The following ACTA2 variants were observed in gnomAD, a reference collection of about 807,000 sequenced individuals.
ACTA2 encodes actin alpha 2, smooth muscle.
In ACTA2, 12 loss-of-function variants were observed where a neutral mutation model predicts 39.5. That is an observed-to-expected ratio of 0.30 (90% CI 0.19 to 0.49). The LOEUF (loss-of-function observed/expected upper bound fraction) is 0.49. Ranked by LOEUF, ACTA2 falls within the 20% of genes least tolerant of loss-of-function variation. ACTA2 has a pLI of 0.99. For missense variants in ACTA2, 236 were observed against 498.8 expected, an observed-to-expected ratio of 0.47 and a Z score of 5.02; for synonymous variants, 158 against 180.6, an observed-to-expected ratio of 0.88 and a Z score of 1.00.
intron 7 of ACTA2, chr10:88,938,464 T>C (rs1453713450): frequency 3.5e-6 from 2 of 567,990 alleles, no homozygotes; most frequent in Non-Finnish European, 6.3e-6. Flanking sequence ...TCCTGAGGTG[T>C]GGGCTACAAC....
At chr10:88,943,369 C>T (rs1335009403) in intron 4 of ACTA2, among the ~76,000 whole-genome samples, 1 of 152,078 alleles carries the variant, frequency 6.6e-6, no homozygotes, top group Non-Finnish European at 1.5e-5. Flanking sequence ...AATATTACTC[C>T]CAACTTATAG....
Position 88,961,391 on chromosome 10 carries a change from T to C in ACTA2, c.-23-12438A>G, listed in dbSNP as rs1428679979. ...AATGTGAAGAGACTTTTAAGTATCC[T>C]TTAATTCTTTCACTTTCCATCCTCT... On this transcript the variant is annotated intron_variant, in intron 1 of 4. Transcript: ENST00000415557. Among the ~76,000 whole-genome samples the C allele has an allele frequency of 2.0e-5, 3 of 152,226 alleles. No individual in the cohort carries two copies. The East Asian group carries it at 5.8e-4, about 29-fold the overall frequency.
At chr10:88,958,909 A>G (rs1043082065) in intron 1 of ACTA2, among the ~76,000 whole-genome samples, 13 of 152,170 alleles carry the variant, frequency 8.5e-5, no homozygotes, top group Non-Finnish European at 1.5e-4. Flanking sequence ...CAGGAAATCT[A>G]GGATGAGTTG....
chr10:88,978,786 G>T (rs893885592), intron 1 of ACTA2, among the ~76,000 whole-genome samples: 2 of 152,142 alleles, frequency 1.3e-5, no homozygotes, highest in Non-Finnish European at 2.9e-5. Context: ...ATGCTAAATT[G>T]TTCCACGTCT....
At chr10:88,948,009 T>A (rs1254918176) in intron 2 of ACTA2, among the ~76,000 whole-genome samples, 1 of 152,160 alleles carries the variant, frequency 6.6e-6, no homozygotes, top group Non-Finnish European at 1.5e-5. Context: ...TAAAAAATTA[T>A]TGTTACTAGA....
In ACTA2 at chr10:88,948,531, T is replaced by TTGA. The variant is rs931075184; in HGVS notation, c.129+268_129+270dup. 176 of 420,210 alleles carry TTGA rather than the reference T, an allele frequency of 4.2e-4. 1 individual carries two copies. Among genetic ancestry groups the TTGA allele is most frequent in the African/African-American group, 2.5e-3 (122 of 49,320 alleles). The allele number at this position is 420,210 out of a possible 1,614,324, so 26.0% of individuals were successfully genotyped here. ...GCATTTCTGATGGTGATGAAATGAT[T>TTGA]TGATGATGATGATGATGATGATAAT... On this transcript the variant is annotated intron_variant, in intron 2 of 8. Coordinates refer to ENST00000224784, the MANE Select transcript of ACTA2 (RefSeq NM_001613.4).
chr10:88,972,861 C>T (rs1846480721), intron 1 of ACTA2, among the ~76,000 whole-genome samples: 1 of 152,044 alleles, frequency 6.6e-6, no homozygotes, highest in Non-Finnish European at 1.5e-5. Context: ...ATTGTTTTTC[C>T]AGTGTCTACT....
intron 1 of ACTA2, among the ~76,000 whole-genome samples, chr10:88,962,467 G>C (rs538966116): frequency 5.3e-5 from 8 of 152,254 alleles, no homozygotes; most frequent in African/African-American, 1.9e-4. Flanking sequence ...GTCTCAGTTA[G>C]GATATTTCAG....
chr10:88,935,244 A>G lies in ACTA2; in HGVS notation c.1113T>C (p.Ile371=). ...KQEYDEAGPS[I]VHRKCF ...TGTTTTAGAAGCATTTGCGGTGGAC[A>G]ATGGAAGGCCCGGCTTCATCGTATT... The change falls in exon 9 of 9, where the codon ATT becomes ATC. Residue 371 remains isoleucine, a synonymous_variant. Transcript: ENST00000224784. 1.2e-6 allele frequency: 2 copies of G among 1,613,652 alleles called. No homozygotes were observed. Among genetic ancestry groups the G allele is most frequent in the Non-Finnish European group, 1.7e-6 (2 of 1,179,848 alleles).
intron 6 of ACTA2, chr10:88,939,975 A>C: frequency 2.1e-6 from 1 of 484,172 alleles, no homozygotes; most frequent in Non-Finnish European, 3.8e-6. Context: ...AGAGAAAGGC[A>C]CACAGTAGCG....
At chr10:88,947,535 G>A in intron 2 of ACTA2, 149 bp from the exon 3 acceptor site, 1 of 1,209,262 alleles carries the variant, frequency 8.3e-7, no homozygotes, top group South Asian at 1.3e-5. Context: ...TTGCCACTAT[G>A]CTCTTAAGCA....
At chr10:88,965,802 A>C (rs2133309902) in intron 1 of ACTA2, among the ~76,000 whole-genome samples, 1 of 152,284 alleles carries the variant, frequency 6.6e-6, no homozygotes, top group African/African-American at 2.4e-5. Context: ...TTTATGATCC[A>C]CTGCTGGTTT....
chr10:88,990,989 C>A lies in ACTA2; in HGVS notation c.-74G>T. The A allele has an allele frequency of 1.9e-6, 3 of 1,593,584 alleles. No individual in the cohort carries two copies. Among genetic ancestry groups the A allele is most frequent in the South Asian group, 1.1e-5 (1 of 90,412 alleles). On this transcript the variant is annotated 5_prime_UTR_variant, in exon 1 of 5. Transcript: ENST00000415557. This position sits in a 1 kb window ranked among gnomAD's most constrained non-coding sequence, Gnocchi z 4.9. ...AAGTGGGGCGGGCGCGGGACGCGTG[C>A]GGGATTGCGGCGGCAGCGGCGCACG...
chr10:88,966,781 A>G (rs1846326246), intron 1 of ACTA2, among the ~76,000 whole-genome samples: 1 of 152,212 alleles, frequency 6.6e-6, no homozygotes, highest in Non-Finnish European at 1.5e-5. Context: ...ACCTGCTCAA[A>G]TGTTTTGAAA....
rs1589438811 is a variant in ACTA2, at chr10:88,990,626, G to A, written c.-24+313C>T. ...TTCCTTCCCATCCTCCTGACCACCG[G>A]GGCTTTTCGTGAGCTCGTCTCTGAT... is the stretch of plus-strand genomic sequence containing the variant. On this transcript the variant is annotated intron_variant, in intron 1 of 4. Coordinates refer to the ACTA2 transcript ENST00000415557. The surrounding 1 kb of genome is among the most constrained non-coding windows in gnomAD (Gnocchi z 4.9). 5.8e-6 allele frequency: 4 copies of A among 690,330 alleles called. No individual in the cohort carries two copies. The East Asian group carries it at 1.1e-4, about 19-fold the overall frequency. 42.8% of individuals were successfully genotyped at this position (690,330 alleles called of 1,614,324 possible).
At chr10:88,941,098 C>T (rs1845839157) in intron 6 of ACTA2, 131 bp downstream of exon 6, 3 of 1,110,610 alleles carry the variant, frequency 2.7e-6, no homozygotes, top group Non-Finnish European at 4.0e-6. Context: ...GTGCTTTGCT[C>T]TGTGCATTAG....
chr10:88,940,112 C>A, intron 6 of ACTA2: 1 of 263,800 alleles, frequency 3.8e-6, no homozygotes. Flanking sequence ...TATGCTGAAT[C>A]AGCTCCTCAG....
intron 1 of ACTA2, among the ~76,000 whole-genome samples, chr10:88,958,091 C>T (rs1360119954): frequency 3.9e-5 from 6 of 152,136 alleles, no homozygotes; most frequent in Non-Finnish European, 8.8e-5. Flanking sequence ...GTTAAGGGTG[C>T]CTCCTCTGTT....
chr10:88,958,397 G>A (rs1365646370), intron 1 of ACTA2, among the ~76,000 whole-genome samples: 1 of 152,166 alleles, frequency 6.6e-6, no homozygotes, highest in Non-Finnish European at 1.5e-5. Flanking sequence ...AATCCTCACA[G>A]CAGCCATAAG....
Sources: allele counts gnomAD v4.1 joint callset (sites outside exome capture counted in the v4.1 genomes callset), GRCh38; gene constraint gnomAD v4.1.1; non-coding constraint Gnocchi (gnomAD v3.1); transcripts MANE v1.5; gene names NCBI Gene and HGNC (gene_info 2026-07-23, HGNC 2026-07-21).